The following GPHN variants were observed in gnomAD, a reference collection of about 807,000 sequenced individuals.
The protein encoded by GPHN is gephyrin.
Under a neutral mutation model 95.5 loss-of-function variants are expected in GPHN, and 17 were observed. The ratio of observed to expected loss-of-function variants is 0.18; its 90% CI spans 0.12 to 0.27. The LOEUF is 0.27. Ranked by LOEUF, GPHN falls within the 10% of genes least tolerant of loss-of-function variation. GPHN has a pLI of 1.00. For missense variants in GPHN, 660 were observed against 978.1 expected (o/e 0.67, Z 4.34); for synonymous variants, 320 against 322.5 (o/e 0.99, Z 0.08).
At chr14:67,316,584 A>AAAAAAAAAT in the GPHN span, among the ~76,000 whole-genome samples, 1 of 152,196 alleles carries the variant, frequency 6.6e-6, no homozygotes, top group East Asian at 1.9e-4. Flanking sequence ...TGAACTATTA[A>AAAAAAAAAT]ATTTTTAAAT....
chr14:66,968,854 G>C lies in GPHN; in HGVS notation c.963+3529G>C, dbSNP rs147851948. On this transcript the variant is annotated intron_variant, in intron 9 of 22. Transcript: ENST00000478722. ...TTAAAATAAAGCATAATAAATTCTA[G>C]AATTGATTATCAAGAATACATAATA... Among the ~76,000 whole-genome samples, 8 of 148,938 alleles carry C rather than the reference G, an allele frequency of 5.4e-5. No homozygotes were observed. The East Asian group carries it at 1.5e-3, about 29-fold the overall frequency.
At chr14:66,864,961 C>G (rs1174752857) in intron 4 of GPHN, among the ~76,000 whole-genome samples, 1 of 152,116 alleles carries the variant, frequency 6.6e-6, no homozygotes, top group Non-Finnish European at 1.5e-5. Flanking sequence ...CCTGTTATTT[C>G]CAACAACATG....
At chr14:67,142,967 C>T (rs1158047468) in intron 17 of GPHN, 1 of 295,690 alleles carries the variant, frequency 3.4e-6, no homozygotes. Flanking sequence ...CCTATGTGAT[C>T]TTTCCAACAC....
the GPHN span, among the ~76,000 whole-genome samples, chr14:67,634,809 A>G: frequency 6.6e-6 from 1 of 152,250 alleles, no homozygotes; most frequent in Non-Finnish European, 1.5e-5. Flanking sequence ...TGGTTGGCTT[A>G]AATAATTTAA....
At chr14:66,899,449 A>G (rs1398524482) in intron 5 of GPHN, among the ~76,000 whole-genome samples, 1 of 151,828 alleles carries the variant, frequency 6.6e-6, no homozygotes, top group African/African-American at 2.4e-5. Context: ...TAATTTCTAC[A>G]TTTTTTGAGA....
At chr14:66,837,647 AAATAAAT>A (rs2061903672) in intron 4 of GPHN, among the ~76,000 whole-genome samples, 2 of 149,044 alleles carry the variant, frequency 1.3e-5, no homozygotes, top group African/African-American at 4.9e-5. Context: ...ATAAATAAAT[AAATAAAT>A]AAAAAGACTG....
the GPHN span, among the ~76,000 whole-genome samples, chr14:67,293,111 A>G: frequency 1.3e-5 from 2 of 152,150 alleles, no homozygotes; most frequent in Admixed American, 6.6e-5. Context: ...TATAACGCCT[A>G]AGATTTATTA....
chr14:66,908,500 T>G (rs957930494), intron 5 of GPHN, among the ~76,000 whole-genome samples: 3 of 152,136 alleles, frequency 2.0e-5, no homozygotes, highest in African/African-American at 7.2e-5. Flanking sequence ...ACAAATGTCC[T>G]GTGCATATAA....
intron 3 of GPHN, among the ~76,000 whole-genome samples, chr14:66,819,080 T>G (rs1455564002): frequency 6.6e-6 from 1 of 152,240 alleles, no homozygotes; most frequent in Non-Finnish European, 1.5e-5. Context: ...ATAAAGAAGC[T>G]CTTTAGTTTA....
the GPHN span, among the ~76,000 whole-genome samples, chr14:67,382,840 GAAAAA>G: frequency 1.3e-5 from 2 of 151,110 alleles, no homozygotes; most frequent in Admixed American, 6.6e-5. Flanking sequence ...CAGAATTGGA[GAAAAA>G]AAAAGTTGTC....
chr14:66,842,748 T>G, intron 4 of GPHN: 1 of 1,457,670 alleles, frequency 6.9e-7, no homozygotes, highest in Non-Finnish European at 9.2e-7. Context: ...AGCCAATCAT[T>G]TTCAGATTAA....
intron 17 of GPHN, among the ~76,000 whole-genome samples, chr14:67,130,888 A>G (rs1310956584): frequency 6.6e-6 from 1 of 152,074 alleles, no homozygotes; most frequent in Non-Finnish European, 1.5e-5. Flanking sequence ...ACATATGTTC[A>G]TATGTTTGTT....
At chr14:67,142,671 C>G (rs1223581025) in intron 17 of GPHN, among the ~76,000 whole-genome samples, 2 of 152,064 alleles carry the variant, frequency 1.3e-5, no homozygotes, top group Admixed American at 1.3e-4. Context: ...TCTAGGGATC[C>G]TCCCCCCTCC....
At chr14:67,485,848 A>C in the GPHN span, among the ~76,000 whole-genome samples, 1 of 152,180 alleles carries the variant, frequency 6.6e-6, no homozygotes, top group Non-Finnish European at 1.5e-5. Flanking sequence ...GCTGCTGCTG[A>C]TATGTGACAA....
At chr14:67,185,169 A>G (rs2083362249), downstream of GPHN, among the ~76,000 whole-genome samples, 1 of 152,218 alleles carries the variant, frequency 6.6e-6, no homozygotes, top group African/African-American at 2.4e-5. Context: ...AGTAGCATGA[A>G]CTGATAACAA....
intron 1 of GPHN, among the ~76,000 whole-genome samples, chr14:66,661,389 T>G (rs543169511): frequency 1.3e-5 from 2 of 152,212 alleles, no homozygotes; most frequent in East Asian, 3.9e-4. Context: ...ACAGCAAAGC[T>G]GCTCTACCAA....
the GPHN span, among the ~76,000 whole-genome samples, chr14:67,555,652 G>T: frequency 6.6e-6 from 1 of 152,168 alleles, no homozygotes; most frequent in Admixed American, 6.5e-5. Flanking sequence ...TCAGGATTAG[G>T]GAGCTGAGAG....
the GPHN span, among the ~76,000 whole-genome samples, chr14:67,638,250 A>G: frequency 6.6e-6 from 1 of 152,182 alleles, no homozygotes; most frequent in Non-Finnish European, 1.5e-5. Flanking sequence ...TAGCCCAGGC[A>G]TGGTGGCTCA....
chr14:66,961,381 A>C (rs2068887596), intron 8 of GPHN, among the ~76,000 whole-genome samples: 1 of 152,036 alleles, frequency 6.6e-6, no homozygotes. Flanking sequence ...AGACACAAAA[A>C]CCACTAACCA....
Sources: allele counts gnomAD v4.1 joint callset (sites outside exome capture counted in the v4.1 genomes callset), GRCh38; gene constraint gnomAD v4.1.1; transcripts MANE v1.5; gene names NCBI Gene and HGNC (gene_info 2026-07-23, HGNC 2026-07-21).